Variants in CD247 observed in about 807,000 individuals in gnomAD.
CD247 encodes the protein T-cell surface glycoprotein CD3 zeta chain.
In CD247, 13 loss-of-function variants were observed where a neutral mutation model predicts 30.0. The observed-to-expected ratio is 0.43, with a 90% confidence interval of 0.28 to 0.69. The LOEUF is 0.69. Ranked by LOEUF, CD247 falls within the 30% of genes least tolerant of loss-of-function variation. The pLI is 0.16. For synonymous variants in CD247, 72 were observed against 80.0 expected (o/e 0.90, Z 0.53); for missense variants, 193 against 212.6 (o/e 0.91, Z 0.57).
chr1:167,484,887 A>G (rs1488877338), intron 1 of CD247, among the ~76,000 whole-genome samples: 5 of 152,242 alleles, frequency 3.3e-5, no homozygotes, highest in Admixed American at 3.3e-4. Context: ...ACTGAGGCTG[A>G]GGGACTGCCT....
chr1:167,499,872 T>C (rs1466565507), intron 1 of CD247, among the ~76,000 whole-genome samples: 1 of 152,218 alleles, frequency 6.6e-6, no homozygotes, highest in Non-Finnish European at 1.5e-5. Flanking sequence ...ACAGAGGCCA[T>C]ACCCACACAT....
chr1:167,431,253 A>C lies in CD247; in HGVS notation c.*428T>G. The C allele has an allele frequency of 1.9e-6, 1 of 514,258 alleles. No homozygotes were observed. The highest frequency in any genetic ancestry group is 3.4e-6 in the Non-Finnish European group (1 of 293,944). The allele number at this position is 514,258 out of a possible 1,614,324, so 31.9% of individuals were successfully genotyped here. ...TGAAAGGAGGTGAAGGTGACAACAG[A>C]AGCCAAATTTACAGCAGGAGTGAAG... On this transcript the variant is annotated 3_prime_UTR_variant, in exon 8 of 8. Transcript: ENST00000362089.
chr1:167,488,402 A>G (rs890118410), intron 1 of CD247, among the ~76,000 whole-genome samples: 4 of 152,248 alleles, frequency 2.6e-5, no homozygotes, highest in African/African-American at 9.6e-5. Context: ...CTCCAAGTAC[A>G]GCAAGTGGGC....
intron 1 of CD247, among the ~76,000 whole-genome samples, chr1:167,465,331 T>TC (rs1558010523): frequency 6.9e-5 from 10 of 144,654 alleles, no homozygotes; most frequent in East Asian, 2.0e-4. Context: ...CTTTTTCTTT[T>TC]TTTTTTTTTT....
chr1:167,464,062 G>A (rs916250415), intron 1 of CD247, among the ~76,000 whole-genome samples: 14 of 152,030 alleles, frequency 9.2e-5, no homozygotes, highest in African/African-American at 3.4e-4. Flanking sequence ...AAGCCCCTAC[G>A]GTGGAAAGTG....
intron 1 of CD247, among the ~76,000 whole-genome samples, chr1:167,446,602 C>T (rs528870599): frequency 6.6e-6 from 1 of 152,260 alleles, no homozygotes; most frequent in South Asian, 2.1e-4. Context: ...GGCCCTCTGA[C>T]CTCCCACACC....
chr1:167,475,709 G>A (rs879351860), intron 1 of CD247, among the ~76,000 whole-genome samples: 10 of 152,178 alleles, frequency 6.6e-5, no homozygotes, highest in Non-Finnish European at 1.0e-4. Flanking sequence ...AGAGGAACAC[G>A]TTAAATGACA....
intron 1 of CD247, among the ~76,000 whole-genome samples, chr1:167,514,769 A>G (rs1655530957): frequency 6.6e-6 from 1 of 152,190 alleles, no homozygotes; most frequent in Non-Finnish European, 1.5e-5. Context: ...TAAGGTCCTA[A>G]GCCTTAGATA....
intron 1 of CD247, among the ~76,000 whole-genome samples, chr1:167,501,103 G>A (rs1427594692): frequency 1.4e-5 from 2 of 147,004 alleles, no homozygotes; most frequent in African/African-American, 2.5e-5. Flanking sequence ...TGCCCAGGCT[G>A]GAGTGCAATG....
intron 1 of CD247, among the ~76,000 whole-genome samples, chr1:167,445,686 G>A (rs951059560): frequency 6.6e-5 from 10 of 152,228 alleles, no homozygotes; most frequent in African/African-American, 2.4e-4. Flanking sequence ...TACTTGAATT[G>A]CGTTGTTTGT....
intron 1 of CD247, among the ~76,000 whole-genome samples, chr1:167,487,709 T>C (rs1654273228): frequency 6.6e-6 from 1 of 152,132 alleles, no homozygotes; most frequent in Non-Finnish European, 1.5e-5. Context: ...CAGTGAGAAG[T>C]GTGGGTCCTA....
intron 1 of CD247, among the ~76,000 whole-genome samples, chr1:167,484,619 A>C (rs1654124841): frequency 6.6e-6 from 1 of 152,238 alleles, no homozygotes; most frequent in Admixed American, 6.5e-5. Flanking sequence ...TCTACTAAAA[A>C]TACAAAAATT....
intron 1 of CD247, among the ~76,000 whole-genome samples, chr1:167,476,684 C>T (rs557916453): frequency 3.5e-4 from 53 of 152,180 alleles, no homozygotes; most frequent in Non-Finnish European, 6.6e-4. Context: ...ATTAGCCAGG[C>T]GTGGTGGCAC....
At chr1:167,503,840 AC>A (rs1158657914) in intron 1 of CD247, among the ~76,000 whole-genome samples, 1 of 151,358 alleles carries the variant, frequency 6.6e-6, no homozygotes, top group African/African-American at 2.4e-5. Flanking sequence ...ATGCCCCCCT[AC>A]CCCCGCCTCT....
At chr1:167,478,039 C>T (rs1283454569) in intron 1 of CD247, among the ~76,000 whole-genome samples, 3 of 152,258 alleles carry the variant, frequency 2.0e-5, no homozygotes, top group Non-Finnish European at 4.4e-5. Context: ...CCCTTGGCAA[C>T]TCTTCCTTTC....
chr1:167,479,675 C>T (rs1315099027), intron 1 of CD247, among the ~76,000 whole-genome samples: 1 of 152,152 alleles, frequency 6.6e-6, no homozygotes, highest in Non-Finnish European at 1.5e-5. Context: ...CAGTCCACAT[C>T]TCTTCCATCC....
chr1:167,457,185 GC>G (rs1417443824), intron 1 of CD247, among the ~76,000 whole-genome samples: 1 of 152,246 alleles, frequency 6.6e-6, no homozygotes, highest in Non-Finnish European at 1.5e-5. Flanking sequence ...CACATTCTCA[GC>G]GGTGCTTTTG....
At chr1:167,436,188 C>T (rs1571509671) in intron 4 of CD247, among the ~76,000 whole-genome samples, 1 of 152,180 alleles carries the variant, frequency 6.6e-6, no homozygotes, top group Non-Finnish European at 1.5e-5. Flanking sequence ...CATGATACAC[C>T]ACATTAACAG....
At chr1:167,500,259 T>C (rs1654849582) in intron 1 of CD247, among the ~76,000 whole-genome samples, 2 of 152,244 alleles carry the variant, frequency 1.3e-5, no homozygotes, top group African/African-American at 4.8e-5. Context: ...CCATTCTCCA[T>C]GTGATGAAAA....
Sources: allele counts gnomAD v4.1 joint callset (sites outside exome capture counted in the v4.1 genomes callset), GRCh38; gene constraint gnomAD v4.1.1; transcripts MANE v1.5; gene names NCBI Gene and HGNC (gene_info 2026-07-23, HGNC 2026-07-21).